Variants in DLGAP2 observed in about 807,000 individuals in gnomAD.
DLGAP2 encodes DLG associated protein 2.
Under a neutral mutation model 100.3 loss-of-function variants are expected in DLGAP2, and 26 were observed. That is an observed-to-expected ratio of 0.26 (90% CI 0.19 to 0.36). DLGAP2 has a LOEUF of 0.36. Among genes scored for constraint, DLGAP2 ranks in the 10% least tolerant of loss-of-function variants. The probability of loss-of-function intolerance (pLI) is 1.00; values close to 1 mark genes in which losing one functional copy is unlikely to be tolerated. For missense variants in DLGAP2, 1,858 were observed against 1,453.2 expected, an observed-to-expected ratio of 1.28 and a Z score of -4.53; for synonymous variants, 886 against 630.1, an observed-to-expected ratio of 1.41 and a Z score of -6.08.
At chr8:788,922 C>T (rs1202282502) in intron 1 of DLGAP2, among the ~76,000 whole-genome samples, 1 of 152,196 alleles carries the variant, frequency 6.6e-6, no homozygotes, top group South Asian at 2.1e-4. Flanking sequence ...AAGTGGGAAG[C>T]ACAGATGGTT....
chr8:1,527,625 C>G (rs1274007310), intron 4 of DLGAP2, among the ~76,000 whole-genome samples: 1 of 152,176 alleles, frequency 6.6e-6, no homozygotes, highest in Non-Finnish European at 1.5e-5. Context: ...AACTGAAATA[C>G]GCTTCCTTTT....
intron 5 of DLGAP2, among the ~76,000 whole-genome samples, chr8:1,561,075 C>A (rs538111643): frequency 6.6e-6 from 1 of 152,252 alleles, no homozygotes; most frequent in Admixed American, 6.5e-5. Flanking sequence ...GTGCTGTTTT[C>A]ATGATGGTGA....
At chr8:1,437,622 G>C (rs938823191) in intron 3 of DLGAP2, among the ~76,000 whole-genome samples, 1 of 152,000 alleles carries the variant, frequency 6.6e-6, no homozygotes, top group Admixed American at 6.6e-5. Flanking sequence ...GTGAGGAAAA[G>C]TTATTTCCCC....
intron 8 of DLGAP2, among the ~76,000 whole-genome samples, chr8:1,636,347 A>G (rs1202154473): frequency 6.6e-6 from 1 of 152,220 alleles, no homozygotes; most frequent in African/African-American, 2.4e-5. Context: ...GGCAGAGGAA[A>G]CAGCCACAGA....
intron 3 of DLGAP2, among the ~76,000 whole-genome samples, chr8:1,388,808 A>G (rs1408597838): frequency 8.6e-6 from 1 of 116,920 alleles, no homozygotes; most frequent in Non-Finnish European, 1.7e-5. Flanking sequence ...TGTGAGAGGC[A>G]GAGGCCGTGG....
At chr8:1,284,918 T>G (rs1799892501) in intron 3 of DLGAP2, among the ~76,000 whole-genome samples, 1 of 152,212 alleles carries the variant, frequency 6.6e-6, no homozygotes, top group South Asian at 2.1e-4. Context: ...TCTGTGTTCC[T>G]TTACTTTGTT....
At chr8:1,136,211 G>C (rs1327901613) in intron 2 of DLGAP2, among the ~76,000 whole-genome samples, 1 of 152,086 alleles carries the variant, frequency 6.6e-6, no homozygotes, top group Non-Finnish European at 1.5e-5. Context: ...CCTGGGTTCT[G>C]CTCCCTTAGG....
intron 2 of DLGAP2, among the ~76,000 whole-genome samples, chr8:1,108,581 CGGGTCTGTGAGATGTGCAT>C (rs1213692427): frequency 7.6e-6 from 1 of 132,314 alleles, no homozygotes; most frequent in Non-Finnish European, 1.6e-5. Context: ...GAGGTGTGCA[CGGGTCTGTGAGATGTGCAT>C]GGGTCTGTGA....
chr8:1,502,791 G>T (rs1207137229), intron 4 of DLGAP2, among the ~76,000 whole-genome samples: 1 of 152,178 alleles, frequency 6.6e-6, no homozygotes, highest in African/African-American at 2.4e-5. Flanking sequence ...CACTGTCTCT[G>T]GACAATGTTA....
intron 2 of DLGAP2, among the ~76,000 whole-genome samples, chr8:1,245,202 CAT>C (rs1448440581): frequency 1.3e-5 from 2 of 152,152 alleles, no homozygotes; most frequent in South Asian, 4.1e-4. Flanking sequence ...GAAGTTTAAA[CAT>C]AGAGTTACCA....
chr8:1,138,275 C>T (rs1050561312), intron 2 of DLGAP2, among the ~76,000 whole-genome samples: 8 of 152,184 alleles, frequency 5.3e-5, no homozygotes, highest in African/African-American at 1.9e-4. Context: ...CTAGGTTTCC[C>T]CTGGGAGCCA....
intron 8 of DLGAP2, among the ~76,000 whole-genome samples, chr8:1,664,552 C>A (rs1277098858): frequency 1.3e-5 from 2 of 152,154 alleles, no homozygotes; most frequent in Non-Finnish European, 2.9e-5. Flanking sequence ...TTGTATCCAC[C>A]AGTGAAGCTT....
chr8:969,401 C>A (rs1229736720), intron 2 of DLGAP2, among the ~76,000 whole-genome samples: 1 of 152,102 alleles, frequency 6.6e-6, no homozygotes, highest in African/African-American at 2.4e-5. Flanking sequence ...ACGTGCACAG[C>A]CTATTAGTTT....
chr8:1,623,445 A>G (rs1166865331), intron 6 of DLGAP2, among the ~76,000 whole-genome samples: 1 of 151,516 alleles, frequency 6.6e-6, no homozygotes, highest in Non-Finnish European at 1.5e-5. Flanking sequence ...CCAGTGCATC[A>G]TGACCTGACA....
intron 6 of DLGAP2, among the ~76,000 whole-genome samples, chr8:1,600,947 G>C (rs1238636295): frequency 6.6e-6 from 1 of 152,130 alleles, no homozygotes; most frequent in Non-Finnish European, 1.5e-5. Flanking sequence ...GAGGAGAAGA[G>C]GCTTTCTGGT....
chr8:1,592,845 G>A (rs373181179), intron 6 of DLGAP2, among the ~76,000 whole-genome samples: 1 of 152,238 alleles, frequency 6.6e-6, no homozygotes, highest in Non-Finnish European at 1.5e-5. Flanking sequence ...ACTGACCAGG[G>A]TACCGCTGGC....
intron 1 of DLGAP2, among the ~76,000 whole-genome samples, chr8:881,668 C>CACACAG (rs1554439027): frequency 8.3e-6 from 1 of 121,072 alleles, no homozygotes; most frequent in South Asian, 2.6e-4. Flanking sequence ...TGTGGCTGAA[C>CACACAG]ACACACACAC....
intron 2 of DLGAP2, among the ~76,000 whole-genome samples, chr8:1,072,495 A>C (rs1293804961): frequency 6.6e-6 from 1 of 152,036 alleles, no homozygotes; most frequent in East Asian, 1.9e-4. Flanking sequence ...ATCTTGGAGA[A>C]CTCGACGCGT....
At chr8:1,670,182 G>C (rs1270563056) in intron 10 of DLGAP2, among the ~76,000 whole-genome samples, 1 of 152,156 alleles carries the variant, frequency 6.6e-6, no homozygotes, top group African/African-American at 2.4e-5. Flanking sequence ...TATCCACCCA[G>C]CCACGACTGA....
Sources: gnomAD v4.1 joint callset for allele counts (sites outside exome capture counted in the v4.1 genomes callset) on GRCh38, gnomAD v4.1.1 for gene constraint, MANE v1.5 for transcripts, NCBI Gene and HGNC (gene_info 2026-07-23, HGNC 2026-07-21) for gene names.